The following SLC24A2 variants were observed in gnomAD, a reference collection of about 807,000 sequenced individuals.
The protein encoded by SLC24A2 is sodium/potassium/calcium exchanger 2.
A neutral mutation model predicts 62.0 loss-of-function variants in SLC24A2; 36 were observed. That is an observed-to-expected ratio of 0.58 (90% CI 0.44 to 0.77). SLC24A2 has a LOEUF of 0.77. Ranked by LOEUF, SLC24A2 falls within the 30% of genes least tolerant of loss-of-function variation. The pLI, the probability that SLC24A2 is intolerant of heterozygous loss-of-function variation, is 0.00. For synonymous variants in SLC24A2, 358 were observed against 294.0 expected (o/e 1.22, Z -2.23); for missense variants, 846 against 817.9 (o/e 1.03, Z -0.42).
At chr9:19,808,600 GCTACAACAGGTAATTTATCTCCTAGC>G in the SLC24A2 span, among the ~76,000 whole-genome samples, 1 of 152,202 alleles carries the variant, frequency 6.6e-6, no homozygotes, top group Non-Finnish European at 1.5e-5. The surrounding 1 kb of genome is among the most constrained non-coding windows in gnomAD (Gnocchi z 4.1). Flanking sequence ...ATCCAGGGCA[GCTACAACAGGTAATTTATCTCCTAGC>G]ACACAAGTCC....
At chr9:19,741,493 C>CAG (rs1821677444) in intron 2 of SLC24A2, among the ~76,000 whole-genome samples, 1 of 152,176 alleles carries the variant, frequency 6.6e-6, no homozygotes, top group African/African-American at 2.4e-5. Flanking sequence ...CTCCAAGTAC[C>CAG]AGCTGAGCAG....
At chr9:19,773,892 T>G (rs1164821166) in intron 2 of SLC24A2, among the ~76,000 whole-genome samples, 1 of 152,212 alleles carries the variant, frequency 6.6e-6, no homozygotes, top group Non-Finnish European at 1.5e-5. Context: ...AGGTTTAGTT[T>G]CAGAGATAGG....
chr9:20,129,538 A>G, the SLC24A2 span, among the ~76,000 whole-genome samples: 5 of 152,172 alleles, frequency 3.3e-5, no homozygotes, highest in Non-Finnish European at 5.9e-5. Flanking sequence ...AATGACCACC[A>G]GCTGATGAAC....
chr9:19,785,890 G>T, intron 2 of SLC24A2, 47 bp downstream of exon 2: 1 of 1,613,254 alleles, frequency 6.2e-7, no homozygotes, highest in South Asian at 1.1e-5. Flanking sequence ...TAATAATTCA[G>T]AACCGTAGTC....
At chr9:19,826,878 T>C in the SLC24A2 span, among the ~76,000 whole-genome samples, 1 of 152,182 alleles carries the variant, frequency 6.6e-6, no homozygotes, top group Admixed American at 6.5e-5. Context: ...GAATGTGGTC[T>C]CCAGTGAATC....
At chr9:19,693,694 T>C (rs1304003576) in intron 2 of SLC24A2, among the ~76,000 whole-genome samples, 2 of 152,112 alleles carry the variant, frequency 1.3e-5, no homozygotes, top group Non-Finnish European at 2.9e-5. Context: ...GTCAGTTTCA[T>C]TTTGTTTTTA....
chr9:20,142,887 T>C, the SLC24A2 span, among the ~76,000 whole-genome samples: 4 of 152,310 alleles, frequency 2.6e-5, no homozygotes, highest in Non-Finnish European at 5.9e-5. Context: ...TGAACCACCG[T>C]GCCCGGCCTT....
At chr9:19,864,617 G>A in the SLC24A2 span, among the ~76,000 whole-genome samples, 1 of 151,944 alleles carries the variant, frequency 6.6e-6, no homozygotes, top group Non-Finnish European at 1.5e-5. Context: ...TGATGAAAAG[G>A]CATTTGGTAA....
the SLC24A2 span, among the ~76,000 whole-genome samples, chr9:19,965,852 C>A: frequency 6.6e-6 from 1 of 152,212 alleles, no homozygotes; most frequent in African/African-American, 2.4e-5. Flanking sequence ...TCTGTGTAAT[C>A]TTCTTGAGAC....
chr9:19,596,521 A>C (rs1003342362), intron 5 of SLC24A2, among the ~76,000 whole-genome samples: 3 of 152,212 alleles, frequency 2.0e-5, no homozygotes, highest in African/African-American at 7.2e-5. Context: ...ATCAGAAAAG[A>C]GATTCTTCCT....
chr9:19,645,832 T>C (rs1044364949), intron 2 of SLC24A2, among the ~76,000 whole-genome samples: 1 of 152,252 alleles, frequency 6.6e-6, no homozygotes, highest in Non-Finnish European at 1.5e-5. Flanking sequence ...AAAGCAGTTA[T>C]TCTTGTCCAG....
the SLC24A2 span, among the ~76,000 whole-genome samples, chr9:19,796,110 G>C: frequency 7.7e-6 from 1 of 129,096 alleles, no homozygotes; most frequent in Non-Finnish European, 1.6e-5. Flanking sequence ...ATCACACACC[G>C]GGGCCTGTTG....
chr9:19,572,506 G>A (rs1835866929), intron 7 of SLC24A2, among the ~76,000 whole-genome samples: 2 of 152,066 alleles, frequency 1.3e-5, no homozygotes, highest in South Asian at 4.2e-4. Flanking sequence ...GCTTGAAAGT[G>A]TATGGCACAT....
rs964698224 is a variant in SLC24A2 at position 19,514,135 on chromosome 9, A to G, written c.*2018T>C. 6.6e-6 allele frequency: 1 copy of G among 152,168 alleles called. No homozygotes were observed. The highest frequency in any genetic ancestry group is 1.5e-5 in the Non-Finnish European group (1 of 68,032). 9.4% of individuals were successfully genotyped at this position (152,168 alleles called of 1,614,324 possible). On this transcript the variant is annotated 3_prime_UTR_variant, in exon 11 of 11. Transcript: ENST00000341998. Reference sequence around the variant, plus strand: ...AAGTGCTTTTTACTTCTGGGTGAAGAGGAATGATGGGCATTTCCTGTTATT... The same window carrying G: ...AAGTGCTTTTTACTTCTGGGTGAAGGGGAATGATGGGCATTTCCTGTTATT...
the SLC24A2 span, among the ~76,000 whole-genome samples, chr9:20,183,811 C>A: frequency 2.6e-5 from 4 of 152,026 alleles, no homozygotes; most frequent in African/African-American, 9.7e-5. Context: ...TCAAGTAGCC[C>A]CAGATTATAA....
rs1424138553 is a variant in SLC24A2, at chr9:19,510,989, G to C, written c.*5164C>G. ...GTTCTGAGCAAGGCTGGTGCCCCAT[G>C]TGTGAGGAAGGCATGCAAAATGCCA... On this transcript the variant is annotated 3_prime_UTR_variant, in exon 11 of 11. Coordinates refer to ENST00000341998, the MANE Select transcript of SLC24A2 (RefSeq NM_020344.4). 6.6e-6 allele frequency: 1 copy of C among 152,218 alleles called. No individual in the cohort carries two copies. The highest frequency in any genetic ancestry group is 6.5e-5 in the Admixed American group (1 of 15,268). The allele number at this position is 152,218 out of a possible 1,614,324, so 9.4% of individuals were successfully genotyped here.
At chr9:20,161,184 A>G in the SLC24A2 span, among the ~76,000 whole-genome samples, 1 of 151,450 alleles carries the variant, frequency 6.6e-6, no homozygotes, top group Non-Finnish European at 1.5e-5. Context: ...CAAAACTGAC[A>G]TTAAAAGAGA....
the SLC24A2 span, among the ~76,000 whole-genome samples, chr9:20,294,656 C>T: frequency 1.6e-4 from 25 of 152,176 alleles, no homozygotes; most frequent in African/African-American, 5.3e-4. Flanking sequence ...TTAGTGATTT[C>T]CTTAAAGAAG....
chr9:20,190,841 T>G, the SLC24A2 span, among the ~76,000 whole-genome samples: 1 of 152,206 alleles, frequency 6.6e-6, no homozygotes, highest in Non-Finnish European at 1.5e-5. Flanking sequence ...TAAAAAGGGA[T>G]GACAAAAATG....
Sources: allele counts gnomAD v4.1 joint callset (sites outside exome capture counted in the v4.1 genomes callset), GRCh38; gene constraint gnomAD v4.1.1; non-coding constraint Gnocchi (gnomAD v3.1); transcripts MANE v1.5; gene names NCBI Gene and HGNC (gene_info 2026-07-23, HGNC 2026-07-21).